Variants in LDB2 observed in about 807,000 individuals in gnomAD.
LDB2 encodes LIM domain binding 2.
Under a neutral mutation model 44.3 loss-of-function variants are expected in LDB2, and 12 were observed. That is an observed-to-expected ratio of 0.27 (90% CI 0.17 to 0.44). The LOEUF is 0.44. LDB2 is among the 20% of genes least tolerant of loss of function. The pLI is 1.00. For synonymous variants in LDB2, 164 were observed against 174.8 expected (o/e 0.94, Z 0.49); for missense variants, 344 against 473.5 (o/e 0.73, Z 2.54).
intron 1 of LDB2, among the ~76,000 whole-genome samples, chr4:16,775,893 C>T (rs1325903543): frequency 1.3e-5 from 2 of 152,188 alleles, no homozygotes; most frequent in African/African-American, 2.4e-5. Flanking sequence ...CTATTTTGCA[C>T]ACCAACCTCA....
chr4:16,694,437 G>A (rs141801676), intron 2 of LDB2, among the ~76,000 whole-genome samples: 1 of 152,272 alleles, frequency 6.6e-6, no homozygotes, highest in East Asian at 1.9e-4. Flanking sequence ...GGGAATAATC[G>A]CTGCATTAAA....
chr4:16,552,220 A>G (rs1440247343), intron 5 of LDB2, among the ~76,000 whole-genome samples: 2 of 152,216 alleles, frequency 1.3e-5, no homozygotes. Flanking sequence ...ACACACAAAT[A>G]TTAGTTGAAC....
intron 2 of LDB2, among the ~76,000 whole-genome samples, chr4:16,597,224 T>C (rs1411202772): frequency 6.6e-6 from 1 of 152,218 alleles, no homozygotes; most frequent in Non-Finnish European, 1.5e-5. Context: ...AATCCCCATA[T>C]GGATGACTAG....
intron 1 of LDB2, among the ~76,000 whole-genome samples, chr4:16,855,424 A>G (rs1340904079): frequency 6.6e-6 from 1 of 152,168 alleles, no homozygotes; most frequent in Non-Finnish European, 1.5e-5. Context: ...AGACAGAATG[A>G]GAAGAATAAA....
intron 2 of LDB2, among the ~76,000 whole-genome samples, chr4:16,652,509 G>A (rs559109559): frequency 2.6e-5 from 4 of 152,246 alleles, no homozygotes; most frequent in East Asian, 3.9e-4. Flanking sequence ...TATTTAGCCC[G>A]TCCTGGTCCT....
At chr4:16,684,201 A>T (rs1308649976) in intron 2 of LDB2, among the ~76,000 whole-genome samples, 4 of 152,226 alleles carry the variant, frequency 2.6e-5, no homozygotes, top group African/African-American at 7.2e-5. Context: ...TACATCAGCA[A>T]CTAATTTCTG....
At chr4:16,807,285 C>T (rs1778960762) in intron 1 of LDB2, among the ~76,000 whole-genome samples, 1 of 152,086 alleles carries the variant, frequency 6.6e-6, no homozygotes, top group Admixed American at 6.5e-5. Context: ...TTATTATATT[C>T]ATAAGTAGAA....
At position 16,502,546 on chromosome 4, in the gene LDB2, GT is replaced by G. The variant is rs1210665911; in HGVS notation, c.*96del. On this transcript the variant is annotated 3_prime_UTR_variant, in exon 8 of 8. Coordinates refer to ENST00000304523, the MANE Select transcript of LDB2 (RefSeq NM_001290.5). ...TAGAAATAGATATTTGCATGGAAAA[GT>G]TTTTATCTCTTCTGTTTCCTCTCCT... The G allele has an allele frequency of 1.3e-6, 2 of 1,490,264 alleles. No individual in the cohort carries two copies. Among genetic ancestry groups the G allele is most frequent in the East Asian group, 4.6e-5 (2 of 43,664 alleles). 92.3% of individuals were successfully genotyped at this position (1,490,264 alleles called of 1,614,324 possible). A position where few individuals can be genotyped will look rare whatever the true frequency, so the allele number is the denominator to read the frequency against.
intron 2 of LDB2, among the ~76,000 whole-genome samples, chr4:16,704,737 G>T (rs777476027): frequency 2.6e-4 from 40 of 152,330 alleles, no homozygotes; most frequent in Non-Finnish European, 5.0e-4. Flanking sequence ...TGCTATGTGT[G>T]TTCTCTATGG....
chr4:16,657,615 CT>C (rs557868898), intron 2 of LDB2, among the ~76,000 whole-genome samples: 141 of 152,306 alleles, frequency 9.3e-4, no homozygotes, highest in Non-Finnish European at 1.6e-3. Flanking sequence ...TATCTAATCA[CT>C]TTTTTCACTC....
At chr4:16,818,978 G>C (rs1344872676) in intron 1 of LDB2, among the ~76,000 whole-genome samples, 1 of 152,190 alleles carries the variant, frequency 6.6e-6, no homozygotes, top group African/African-American at 2.4e-5. Context: ...TGAAATCAGT[G>C]TATTGTATAA....
At chr4:16,859,119 A>G (rs1017532753) in intron 1 of LDB2, among the ~76,000 whole-genome samples, 12 of 152,222 alleles carry the variant, frequency 7.9e-5, no homozygotes, top group African/African-American at 2.2e-4. Context: ...TTCCCATTTT[A>G]CAGATAAGGA....
intron 1 of LDB2, among the ~76,000 whole-genome samples, chr4:16,847,595 ATGT>A (rs1318942299): frequency 2.1e-5 from 3 of 141,694 alleles, no homozygotes; most frequent in Non-Finnish European, 4.7e-5. Flanking sequence ...TCTTTAACAC[ATGT>A]TTGTTTGTTT....
chr4:16,693,764 G>A (rs13135203), intron 2 of LDB2, among the ~76,000 whole-genome samples: 42,067 of 152,060 alleles, frequency 0.28, 6,032 homozygotes, highest in Non-Finnish European at 0.33. Flanking sequence ...TGCGAATGCA[G>A]CACTTCCCTG....
rs143269927 is a variant in LDB2, at chr4:16,855,064, C to A, written c.132+43290G>T. Among the ~76,000 whole-genome samples, 13 of 152,170 alleles carry A rather than the reference C, an allele frequency of 8.5e-5. No individual in the cohort carries two copies. In the East Asian group the frequency reaches 2.3e-3, roughly 27 times the overall value. ...GCCAGTATACAGAAGGAAATGCCTA[C>A]AAAATAATGCTCAACCTCAGTATTA... On this transcript the variant is annotated intron_variant, in intron 1 of 7. Transcript: ENST00000304523.
intron 6 of LDB2, 139 bp from the exon 7 acceptor site, chr4:16,508,825 A>G (rs1560307501): frequency 1.3e-6 from 1 of 798,678 alleles, no homozygotes. Flanking sequence ...TTATAGCTTT[A>G]GAAAGAATAA....
intron 2 of LDB2, among the ~76,000 whole-genome samples, chr4:16,735,134 T>C (rs1002959802): frequency 1.4e-4 from 21 of 152,190 alleles, no homozygotes; most frequent in Non-Finnish European, 2.1e-4. Flanking sequence ...ATGATGTACG[T>C]AGTGGGGACA....
intron 1 of LDB2, among the ~76,000 whole-genome samples, chr4:16,887,194 A>G (rs921201917): frequency 1.1e-4 from 16 of 151,400 alleles, no homozygotes; most frequent in African/African-American, 3.9e-4. Flanking sequence ...TGGTAATTAC[A>G]TAGTGACAGG....
intron 2 of LDB2, among the ~76,000 whole-genome samples, chr4:16,694,748 C>T (rs534876028): frequency 6.6e-6 from 1 of 152,210 alleles, no homozygotes; most frequent in Non-Finnish European, 1.5e-5. Flanking sequence ...TTCTCTCTAC[C>T]ACCATGTACT....
Sources: gnomAD v4.1 joint callset for allele counts (sites outside exome capture counted in the v4.1 genomes callset) on GRCh38, gnomAD v4.1.1 for gene constraint, MANE v1.5 for transcripts, NCBI Gene and HGNC (gene_info 2026-07-23, HGNC 2026-07-21) for gene names.